The following NUBPL variants were observed in gnomAD, a reference collection of about 807,000 sequenced individuals.
The protein encoded by NUBPL is NUBP iron-sulfur cluster assembly factor, mitochondrial.
A neutral mutation model predicts 45.7 loss-of-function variants in NUBPL; 31 were observed. The observed-to-expected ratio is 0.68, with a 90% CI of 0.51 to 0.92. The LOEUF (loss-of-function observed/expected upper bound fraction) is 0.92, where lower values mean the gene tolerates loss of function less well. NUBPL is among the 40% of genes least tolerant of loss of function. The pLI, the probability that NUBPL is intolerant of heterozygous loss-of-function variation, is 0.00. For synonymous variants in NUBPL, 144 were observed against 140.9 expected (o/e 1.02, Z -0.15); for missense variants, 401 against 398.7 (o/e 1.01, Z -0.05).
At chr14:31,715,558 A>G (rs1443321418) in intron 6 of NUBPL, among the ~76,000 whole-genome samples, 1 of 152,238 alleles carries the variant, frequency 6.6e-6, no homozygotes, top group Non-Finnish European at 1.5e-5. Flanking sequence ...GGGAATTGTA[A>G]CACAATGGTA....
At chr14:31,659,812 T>A (rs1315761323) in intron 4 of NUBPL, among the ~76,000 whole-genome samples, 2 of 152,168 alleles carry the variant, frequency 1.3e-5, no homozygotes, top group East Asian at 3.8e-4. Flanking sequence ...ATTTTCCTAA[T>A]GCAGTCTGTC....
intron 6 of NUBPL, among the ~76,000 whole-genome samples, chr14:31,753,676 G>T (rs2038583807): frequency 6.6e-6 from 1 of 152,132 alleles, no homozygotes; most frequent in African/African-American, 2.4e-5. Context: ...TTGCCAGTGT[G>T]AATTTTTTAT....
chr14:31,698,356 CTT>C (rs548304258), intron 6 of NUBPL, among the ~76,000 whole-genome samples: 7 of 142,396 alleles, frequency 4.9e-5, no homozygotes, highest in Non-Finnish European at 4.6e-5. Flanking sequence ...TCATTTTGGT[CTT>C]TTTTTTTTTT....
At chr14:31,741,460 G>A (rs779037043) in intron 6 of NUBPL, among the ~76,000 whole-genome samples, 2 of 152,122 alleles carry the variant, frequency 1.3e-5, no homozygotes, top group Non-Finnish European at 2.9e-5. Context: ...CAGCAGGCTG[G>A]GTTCTGGTAA....
At chr14:31,833,808 G>A (rs116550612) in intron 8 of NUBPL, among the ~76,000 whole-genome samples, 261 of 152,298 alleles carry the variant, frequency 1.7e-3, no homozygotes, top group African/African-American at 5.9e-3. Context: ...TTATGGGCCA[G>A]ACCTAGATGT....
At chr14:31,818,382 T>C (rs2039960177) in intron 7 of NUBPL, among the ~76,000 whole-genome samples, 1 of 152,180 alleles carries the variant, frequency 6.6e-6, no homozygotes, top group Admixed American at 6.5e-5. Flanking sequence ...TCGCACTTAC[T>C]CAAAGTTGGA....
intron 4 of NUBPL, among the ~76,000 whole-genome samples, chr14:31,621,318 G>C (rs530972222): frequency 6.6e-6 from 1 of 152,038 alleles, no homozygotes; most frequent in Admixed American, 6.6e-5. Flanking sequence ...CGTTCCAGGT[G>C]CCACTGAGGT....
chr14:31,606,812 C>T (rs2034613101), intron 4 of NUBPL, among the ~76,000 whole-genome samples: 1 of 152,148 alleles, frequency 6.6e-6, no homozygotes, highest in Non-Finnish European at 1.5e-5. Flanking sequence ...TCTTGCTTAC[C>T]TCTTCACTGT....
At chr14:31,743,567 A>G (rs1428320918) in intron 6 of NUBPL, among the ~76,000 whole-genome samples, 1 of 152,030 alleles carries the variant, frequency 6.6e-6, no homozygotes, top group African/African-American at 2.4e-5. Context: ...TTTAGTAGAG[A>G]TGGGATTTCG....
chr14:31,800,946 C>T (rs757992618), intron 7 of NUBPL: 1 of 152,124 alleles, frequency 6.6e-6, no homozygotes, highest in Non-Finnish European at 1.5e-5. Flanking sequence ...TTTAATGAAG[C>T]AACTAGTTAC....
rs1360811554 is a variant in NUBPL at position 31,859,212 on chromosome 14, C to T, written c.*32C>T. ...AAGTGTCCTGGAAATTTGCCTGGTACTGACATTAAGAGGACCTTTGGAAAT... is the reference window on the plus strand; with the variant it reads ...AAGTGTCCTGGAAATTTGCCTGGTATTGACATTAAGAGGACCTTTGGAAAT... On this transcript the variant is annotated 3_prime_UTR_variant, in exon 11 of 11. Coordinates refer to ENST00000281081, the MANE Select transcript of NUBPL (RefSeq NM_025152.3). 1 of 1,578,100 alleles carries T rather than the reference C, an allele frequency of 6.3e-7. No individual in the cohort carries two copies. The highest frequency in any genetic ancestry group is 1.3e-5 in the African/African-American group (1 of 74,282).
intron 4 of NUBPL, among the ~76,000 whole-genome samples, chr14:31,607,257 C>T (rs1297062738): frequency 1.3e-5 from 2 of 151,938 alleles, no homozygotes; most frequent in Non-Finnish European, 2.9e-5. Flanking sequence ...GTGGTGTATG[C>T]CTGTAGTCCC....
chr14:31,728,612 G>T (rs1481339025), intron 6 of NUBPL, among the ~76,000 whole-genome samples: 1 of 152,098 alleles, frequency 6.6e-6, no homozygotes, highest in African/African-American at 2.4e-5. Context: ...CAATTTAGAA[G>T]GGTCAAAGAG....
rs562542040 is a variant in NUBPL, at chr14:31,823,945, G to T, written c.608-2684G>T. ...AGAGGGGAAGAGAGTGTTAATTTTT[G>T]GTTTCTTGGGCAAAGTAAATCAAAA... is the stretch of plus-strand genomic sequence containing the variant. On this transcript the variant is annotated intron_variant, in intron 7 of 10. Transcript: ENST00000281081. Among the ~76,000 whole-genome samples, 29 of 152,004 alleles carry T rather than the reference G, an allele frequency of 1.9e-4. No homozygotes were observed. In the East Asian group the frequency reaches 2.1e-3, roughly 11 times the overall value.
At chr14:31,648,313 C>A (rs1413582935) in intron 4 of NUBPL, among the ~76,000 whole-genome samples, 4 of 152,118 alleles carry the variant, frequency 2.6e-5, no homozygotes, top group Non-Finnish European at 5.9e-5. Context: ...TAAGAAAAGC[C>A]ATGGACTGGA....
At chr14:31,568,529 A>C (rs2033497775) in intron 3 of NUBPL, among the ~76,000 whole-genome samples, 1 of 152,238 alleles carries the variant, frequency 6.6e-6, no homozygotes, top group Non-Finnish European at 1.5e-5. Flanking sequence ...TTTCAGAAAA[A>C]TTGGATTCAT....
chr14:31,619,111 C>T (rs775613740), intron 4 of NUBPL, among the ~76,000 whole-genome samples: 3 of 152,114 alleles, frequency 2.0e-5, no homozygotes, highest in East Asian at 1.9e-4. Flanking sequence ...GCAACCCATG[C>T]TATTTTTTTG....
intron 6 of NUBPL, among the ~76,000 whole-genome samples, chr14:31,757,956 TTCTC>T (rs1429881327): frequency 2.0e-5 from 3 of 152,124 alleles, no homozygotes; most frequent in Admixed American, 1.3e-4. Context: ...CTTATGGCTG[TTCTC>T]TCTATCTGGA....
intron 6 of NUBPL, among the ~76,000 whole-genome samples, chr14:31,779,238 G>A (rs189801708): frequency 4.9e-3 from 750 of 152,212 alleles, no homozygotes; most frequent in Non-Finnish European, 6.3e-3. Flanking sequence ...CTATTTGGGA[G>A]GCTGAGGGAG....
Sources: gnomAD v4.1 joint callset for allele counts (sites outside exome capture counted in the v4.1 genomes callset) on GRCh38, gnomAD v4.1.1 for gene constraint, MANE v1.5 for transcripts, NCBI Gene and HGNC (gene_info 2026-07-23, HGNC 2026-07-21) for gene names.